Variants in ADAD1 observed in about 807,000 individuals in gnomAD.
ADAD1 encodes the protein adenosine deaminase domain containing 1, also known as adenosine deaminase domain-containing protein 1.
Under a neutral mutation model 66.8 loss-of-function variants are expected in ADAD1, and 46 were observed. The ratio of observed to expected loss-of-function variants is 0.69; its 90% CI spans 0.54 to 0.88. ADAD1 has a LOEUF of 0.88. Among genes scored for constraint, ADAD1 ranks in the 40% least tolerant of loss-of-function variants. The pLI is 0.00. For synonymous variants in ADAD1, 248 were observed against 229.4 expected, an observed-to-expected ratio of 1.08 and a Z score of -0.73; for missense variants, 617 against 681.8, an observed-to-expected ratio of 0.91 and a Z score of 1.06.
At chr4:122,408,556 G>A (rs1383071559) in intron 8 of ADAD1, among the ~76,000 whole-genome samples, 1 of 152,112 alleles carries the variant, frequency 6.6e-6, no homozygotes, top group Non-Finnish European at 1.5e-5. Context: ...GATTACAGGG[G>A]TGAGCCACCG....
At chr4:122,405,950 A>T (rs1001762428) in intron 7 of ADAD1, among the ~76,000 whole-genome samples, 2 of 152,106 alleles carry the variant, frequency 1.3e-5, no homozygotes, top group Non-Finnish European at 2.9e-5. Flanking sequence ...TCCATTATAT[A>T]TATGTCATGG....
At chr4:122,394,231 TACTC>T (rs552635484) in intron 6 of ADAD1, among the ~76,000 whole-genome samples, 149 of 152,342 alleles carry the variant, frequency 9.8e-4, no homozygotes, top group African/African-American at 3.1e-3. Flanking sequence ...ACACCATAGA[TACTC>T]ACTAAATAGT....
chr4:122,418,694 G>A (rs535020851), intron 11 of ADAD1, among the ~76,000 whole-genome samples: 10 of 152,194 alleles, frequency 6.6e-5, no homozygotes, highest in Middle Eastern at 3.4e-3. Flanking sequence ...AGTTCAGAGG[G>A]TTTTTTTCTA....
At position 122,380,176 on chromosome 4, in the gene ADAD1, C is replaced by G. The variant is rs373991169; in HGVS notation, c.107C>G (p.Pro36Arg). 2.7e-5 allele frequency: 44 copies of G among 1,614,182 alleles called. No individual in the cohort carries two copies. In the East Asian group the frequency reaches 2.9e-4, roughly 11 times the overall value. The change falls in exon 3 of 13, where the codon CCC (proline) becomes CGC (arginine). Residue 36 changes from proline (P) to arginine (R), a missense_variant. Transcript: ENST00000296513. Reference protein sequence around the residue: ...VQPATKTITTPTGWSSESYGL... With the variant: ...VQPATKTITTRTGWSSESYGL... ...CCAGCGACAAAGACGATAACTACAC[C>G]CACAGGATGGTCCTCAGAAAGTTAC...
chr4:122,415,835 A>G (rs1392742816), intron 11 of ADAD1, among the ~76,000 whole-genome samples: 2 of 152,122 alleles, frequency 1.3e-5, no homozygotes, highest in Admixed American at 6.5e-5. Flanking sequence ...TGGAGAAGTT[A>G]TATAGCTTAC....
chr4:122,387,458 TA>T (rs1795223423), intron 5 of ADAD1, among the ~76,000 whole-genome samples: 1 of 152,210 alleles, frequency 6.6e-6, no homozygotes, highest in Non-Finnish European at 1.5e-5. Flanking sequence ...TGGGGTTTTC[TA>T]AATACAAAAT....
At chr4:122,395,630 A>T (rs555318278) in intron 6 of ADAD1, among the ~76,000 whole-genome samples, 2 of 151,312 alleles carry the variant, frequency 1.3e-5, no homozygotes, top group Admixed American at 6.6e-5. Context: ...ATGCCACTGC[A>T]CTCCAGTCTG....
intron 10 of ADAD1, among the ~76,000 whole-genome samples, chr4:122,414,283 G>GT (rs79693480): frequency 2.5e-5 from 3 of 118,724 alleles, no homozygotes; most frequent in Non-Finnish European, 3.5e-5. Context: ...TTTGGGGGGG[G>GT]GGGTACAACT....
intron 7 of ADAD1, among the ~76,000 whole-genome samples, chr4:122,399,268 C>T (rs1028627004): frequency 6.6e-6 from 1 of 151,958 alleles, no homozygotes; most frequent in Non-Finnish European, 1.5e-5. Context: ...GTGTCAAAGG[C>T]CAGTTGACTG....
intron 7 of ADAD1, among the ~76,000 whole-genome samples, chr4:122,403,560 CCTT>C (rs1247043002): frequency 2.0e-5 from 3 of 152,134 alleles, no homozygotes; most frequent in African/African-American, 4.8e-5. Flanking sequence ...GTTGTTTTCT[CCTT>C]CTTTGGAGCA....
intron 4 of ADAD1, among the ~76,000 whole-genome samples, chr4:122,382,538 C>A (rs1794955969): frequency 6.6e-6 from 1 of 152,200 alleles, no homozygotes; most frequent in Middle Eastern, 3.4e-3. Context: ...CCCCAGCCTC[C>A]CAAATAGCTA....
rs1314999976 is a variant in ADAD1, at chr4:122,379,454, T to C, written c.-9+9T>C. The C allele has an allele frequency of 2.0e-5, 3 of 152,416 alleles. No individual in the cohort carries two copies. In the East Asian group the frequency reaches 5.7e-4, roughly 29 times the overall value. 9.4% of individuals were successfully genotyped at this position (152,416 alleles called of 1,614,324 possible). ...CGCCGGCCTCCGAGACGGTTAGTGA[T>C]TGGACGAAGCAGGGCGCGGGGGCGC... On this transcript the variant is annotated intron_variant, in intron 2 of 12. Transcript: ENST00000296513.
chr4:122,421,170 T>C, intron 11 of ADAD1, 91 bp from the exon 12 acceptor site: 1 of 1,014,054 alleles, frequency 9.9e-7, no homozygotes. Context: ...TCAAGAAATA[T>C]TTTGTAGATC....
At chr4:122,416,565 T>C (rs1467519520) in intron 11 of ADAD1, among the ~76,000 whole-genome samples, 1 of 151,928 alleles carries the variant, frequency 6.6e-6, no homozygotes, top group Non-Finnish European at 1.5e-5. Flanking sequence ...CCAGTCTTTT[T>C]TATAAAAAAT....
At chr4:122,383,720 A>G in intron 4 of ADAD1, 79 bp from the exon 5 acceptor site, 11 of 1,408,928 alleles carry the variant, frequency 7.8e-6, no homozygotes, top group Non-Finnish European at 1.0e-5. Context: ...TTGTACTGGA[A>G]TGTTTTCCTA....
At chr4:122,380,017 A>G (rs919659573) in intron 2 of ADAD1, 45 bp from the exon 3 acceptor site, 16 of 1,548,794 alleles carry the variant, frequency 1.0e-5, no homozygotes, top group Admixed American at 2.0e-5. Context: ...TTCAGTTTAC[A>G]TAGCGTTTTG....
chr4:122,394,278 T>TC (rs1795593776), intron 6 of ADAD1, among the ~76,000 whole-genome samples: 1 of 152,206 alleles, frequency 6.6e-6, no homozygotes, highest in African/African-American at 2.4e-5. Flanking sequence ...CAATCATATT[T>TC]CACATTGTAT....
At chr4:122,408,598 C>T (rs772295579) in intron 8 of ADAD1, among the ~76,000 whole-genome samples, 1 of 152,088 alleles carries the variant, frequency 6.6e-6, no homozygotes, top group Non-Finnish European at 1.5e-5. Flanking sequence ...AAGAATCCTG[C>T]AATCAGCTGG....
intron 5 of ADAD1, among the ~76,000 whole-genome samples, chr4:122,389,345 G>A (rs1459551360): frequency 6.6e-6 from 1 of 152,132 alleles, no homozygotes; most frequent in Non-Finnish European, 1.5e-5. Flanking sequence ...GTTGACTTGG[G>A]GTGGAGAATT....
Sources: allele counts gnomAD v4.1 joint callset (sites outside exome capture counted in the v4.1 genomes callset), GRCh38; gene constraint gnomAD v4.1.1; transcripts MANE v1.5; gene names NCBI Gene and HGNC (gene_info 2026-07-23, HGNC 2026-07-21).